The following TMEM63C variants were observed in gnomAD, a reference collection of about 807,000 sequenced individuals.
TMEM63C encodes the protein osmosensitive cation channel TMEM63C.
In TMEM63C, 32 loss-of-function variants were observed where a neutral mutation model predicts 99.2. That is an observed-to-expected ratio of 0.32 (90% CI 0.24 to 0.43). TMEM63C has a LOEUF of 0.43. TMEM63C is among the 20% of genes least tolerant of loss of function. TMEM63C has a pLI of 1.00. For missense variants in TMEM63C, 826 were observed against 1,053.0 expected, an observed-to-expected ratio of 0.78 and a Z score of 2.98; for synonymous variants, 376 against 397.9, an observed-to-expected ratio of 0.94 and a Z score of 0.66.
chr14:77,237,852 C>T (rs1287739073), intron 9 of TMEM63C, among the ~76,000 whole-genome samples: 2 of 152,230 alleles, frequency 1.3e-5, no homozygotes, highest in African/African-American at 2.4e-5. Flanking sequence ...CCTTAGTTCC[C>T]GTCCTCAGCC....
At chr14:77,252,327 C>T (rs982786982) in intron 22 of TMEM63C, among the ~76,000 whole-genome samples, 1 of 152,176 alleles carries the variant, frequency 6.6e-6, no homozygotes, top group Admixed American at 6.5e-5. Flanking sequence ...CTTTAAGACC[C>T]CAGGCTATTG....
intron 1 of TMEM63C, among the ~76,000 whole-genome samples, chr14:77,200,538 T>C (rs1888282341): frequency 6.6e-6 from 1 of 152,204 alleles, no homozygotes; most frequent in South Asian, 2.1e-4. Flanking sequence ...GGACCAGCTG[T>C]GCTCAGAGAG....
rs749203311 is a variant in TMEM63C, at chr14:77,242,481, C to A, written c.1187+12C>A. The A allele has an allele frequency of 1.2e-6, 2 of 1,612,712 alleles. No individual in the cohort carries two copies. Among genetic ancestry groups the A allele is most frequent in the Non-Finnish European group, 1.7e-6 (2 of 1,179,206 alleles). ...AAAGACATTATTTGGTAAGCCTCCT[C>A]CATCCCTCCCCTCTCCTCTGAGCTC... On this transcript the variant is annotated intron_variant, in intron 14 of 23. Transcript: ENST00000298351.
At chr14:77,253,907 C>T (rs916720552) in intron 23 of TMEM63C, among the ~76,000 whole-genome samples, 3 of 152,170 alleles carry the variant, frequency 2.0e-5, no homozygotes, top group African/African-American at 7.2e-5. Flanking sequence ...GTGGCTCGGC[C>T]TGAAGGGGAA....
intron 1 of TMEM63C, among the ~76,000 whole-genome samples, chr14:77,191,539 T>TTTTTTTTTTTTTTTTTTTTTTTTTTC: frequency 1.3e-4 from 1 of 7,750 alleles, no homozygotes; most frequent in African/African-American, 3.9e-4. Context: ...TTTCTTTTTC[T>TTTTTTTTTTTTTTTTTTTTTTTTTTC]TTTTTTTTTT....
chr14:77,233,866 T>C (rs1204170955), intron 8 of TMEM63C, among the ~76,000 whole-genome samples: 1 of 152,160 alleles, frequency 6.6e-6, no homozygotes, highest in East Asian at 1.9e-4. Flanking sequence ...TCAGCCGTCA[T>C]ATACCCGAGT....
intron 6 of TMEM63C, among the ~76,000 whole-genome samples, chr14:77,226,893 G>A (rs1435659747): frequency 2.0e-5 from 3 of 151,760 alleles, no homozygotes; most frequent in East Asian, 3.9e-4. Context: ...TCAGCCTCCC[G>A]AGTAGCTGGG....
chr14:77,246,539 G>A (rs1028582085), intron 17 of TMEM63C, 70 bp from the exon 18 acceptor site: 16 of 1,342,992 alleles, frequency 1.2e-5, no homozygotes, highest in Admixed American at 9.5e-5. Context: ...GGGCAAGGGA[G>A]GATGGTTGAA....
intron 6 of TMEM63C, among the ~76,000 whole-genome samples, chr14:77,229,963 G>A (rs903207208): frequency 2.0e-5 from 3 of 152,008 alleles, no homozygotes; most frequent in African/African-American, 4.8e-5. Context: ...ACTTTGGGAG[G>A]CCGAGGCAGG....
chr14:77,223,222 A>G (rs890618222), intron 5 of TMEM63C, among the ~76,000 whole-genome samples: 8 of 152,084 alleles, frequency 5.3e-5, no homozygotes, highest in Non-Finnish European at 8.8e-5. Context: ...TCTTGTTACA[A>G]TGACAAAAAA....
intron 1 of TMEM63C, among the ~76,000 whole-genome samples, chr14:77,187,656 G>A (rs1293977016): frequency 2.0e-5 from 3 of 152,362 alleles, no homozygotes; most frequent in African/African-American, 7.2e-5. Context: ...CCCAGTCCCA[G>A]CACCCTCCTG....
chr14:77,217,653 C>G (rs1454031767), intron 2 of TMEM63C, among the ~76,000 whole-genome samples: 2 of 152,206 alleles, frequency 1.3e-5, no homozygotes, highest in Non-Finnish European at 2.9e-5. Flanking sequence ...GGACACCTCC[C>G]ATTTTCACCT....
intron 2 of TMEM63C, among the ~76,000 whole-genome samples, chr14:77,215,191 C>G (rs986561337): frequency 6.6e-5 from 10 of 152,170 alleles, no homozygotes; most frequent in African/African-American, 2.4e-4. Flanking sequence ...AATCCATCCT[C>G]TCTTATTCCC....
intron 1 of TMEM63C, chr14:77,201,158 A>G (rs1449717084): frequency 1.3e-5 from 2 of 152,120 alleles, no homozygotes; most frequent in Admixed American, 6.5e-5. Context: ...CACCTCCTCC[A>G]GGCAGCCTTT....
chr14:77,251,959 G>A lies in TMEM63C; in HGVS notation c.2148+61G>A, dbSNP rs983748670. On this transcript the variant is annotated intron_variant, in intron 22 of 23. Coordinates refer to ENST00000298351, the MANE Select transcript of TMEM63C (RefSeq NM_020431.4). ...TGGTCCCTGGGGGACACAGCTGTAG[G>A]ATACTCTCCAGGTCTGGGCTCCCAT... 3.0e-6 allele frequency: 4 copies of A among 1,350,188 alleles called. No individual in the cohort carries two copies. In the East Asian group the frequency reaches 6.9e-5, roughly 23 times the overall value. The allele number at this position is 1,350,188 out of a possible 1,614,324, so 83.6% of individuals were successfully genotyped here.
intron 1 of TMEM63C, among the ~76,000 whole-genome samples, chr14:77,189,414 G>C (rs1888063015): frequency 6.6e-6 from 1 of 152,132 alleles, no homozygotes; most frequent in South Asian, 2.1e-4. Context: ...TACTGTGCCT[G>C]GCTGAAAATT....
intron 19 of TMEM63C, 99 bp downstream of exon 19, chr14:77,248,608 G>T: frequency 6.6e-7 from 1 of 1,516,886 alleles, no homozygotes; most frequent in Non-Finnish European, 9.0e-7. Flanking sequence ...GAGGTGGGAG[G>T]GACGGTGTGG....
Position 77,233,459 on chromosome 14 carries a change from C to G in TMEM63C, c.501C>G (p.Ser167Arg). ...INYTGSVLDW[S>R]SHFARTTIVN... The stretch of plus-strand genomic sequence containing the variant: ...AACTTCTTTCTCTTTCAGACTGGAG[C>G]AGTCACTTTGCTCGGACCACCATTG... Residue 167 changes from serine to arginine, a missense_variant, in exon 8 of 24, where the codon AGC (serine) becomes AGG (arginine). Coordinates refer to ENST00000298351, the MANE Select transcript of TMEM63C (RefSeq NM_020431.4). 6.2e-7 allele frequency: 1 copy of G among 1,613,436 alleles called. No homozygotes were observed. The highest frequency in any genetic ancestry group is 8.5e-7 in the Non-Finnish European group (1 of 1,179,740).
rs1454243103 is a variant in TMEM63C at position 77,249,454 on chromosome 14, G to A, written c.2034G>A (p.Arg678=). The A allele has an allele frequency of 1.2e-6, 2 of 1,613,874 alleles. No individual in the cohort carries two copies. The highest frequency in any genetic ancestry group is 3.3e-5 in the Admixed American group (2 of 59,988). ...GGATGCTGTTCTTCTCCATCCTGCGGTTGGGTAGGTACCAAGCCAGCCTGG... is the reference window on the plus strand; with the variant it reads ...GGATGCTGTTCTTCTCCATCCTGCGATTGGGTAGGTACCAAGCCAGCCTGG... ...LFWMLFFSIL[R]LGSLHAITIF... Residue 678 remains arginine, a synonymous_variant, in exon 21 of 24, where the codon CGG becomes CGA. Coordinates refer to ENST00000298351, the MANE Select transcript of TMEM63C (RefSeq NM_020431.4).
Sources: gnomAD v4.1 joint callset for allele counts (sites outside exome capture counted in the v4.1 genomes callset) on GRCh38, gnomAD v4.1.1 for gene constraint, MANE v1.5 for transcripts, NCBI Gene and HGNC (gene_info 2026-07-23, HGNC 2026-07-21) for gene names.